The following ATP7B variants were observed in gnomAD, a reference collection of about 807,000 sequenced individuals.
ATP7B encodes copper-transporting ATPase 2.
A neutral mutation model predicts 118.9 loss-of-function variants in ATP7B; 113 were observed. That is an observed-to-expected ratio of 0.95 (90% CI 0.82 to 1.11). The LOEUF is 1.11. ATP7B is among the 50% of genes most tolerant of loss of function. ATP7B has a pLI of 0.00. For missense variants in ATP7B, 1,867 were observed against 1,871.4 expected (o/e 1.00, Z 0.04); for synonymous variants, 777 against 727.4 (o/e 1.07, Z -1.10).
intron 1 of ATP7B, among the ~76,000 whole-genome samples, chr13:52,002,345 T>A (rs577328620): frequency 2.4e-4 from 36 of 150,994 alleles, no homozygotes; most frequent in African/African-American, 8.5e-4. Context: ...GAGGATCACT[T>A]GAGCCCAGGA....
rs199623434 is a variant in ATP7B at position 51,946,382 on chromosome 13, C to G, written c.2962G>C (p.Gly988Arg). ...VLCIACPCSL[G>R]LATPTAVMVG... is the part of the protein sequence containing the mutation. ...ATGACAGCCGTGGGCGTGGCCAGCC[C>G]CAGGGAGCAGGGGCAGGCAATGCAC... The change falls in exon 13 of 21, where the codon GGG becomes CGG. Residue 988 changes from glycine (G) to arginine (R), a missense_variant. Transcript: ENST00000242839. 2.5e-6 allele frequency: 4 copies of G among 1,613,888 alleles called. No individual in the cohort carries two copies. The highest frequency in any genetic ancestry group is 3.4e-6 in the Non-Finnish European group (4 of 1,180,018).
intron 1 of ATP7B, among the ~76,000 whole-genome samples, chr13:52,006,552 C>T (rs1422770529): frequency 4.6e-5 from 7 of 152,168 alleles, no homozygotes; most frequent in South Asian, 2.1e-4. Flanking sequence ...TGGATGGGGA[C>T]GATCATTTCC....
chr13:51,975,553 C>G (rs747476206), intron 1 of ATP7B: 1 of 520,554 alleles, frequency 1.9e-6, no homozygotes, highest in African/African-American at 1.9e-5. Flanking sequence ...AAAGAGGTCC[C>G]CACCTCTGGC....
intron 9 of ATP7B, among the ~76,000 whole-genome samples, chr13:51,955,329 G>A (rs1183626314): frequency 6.6e-6 from 1 of 152,204 alleles, no homozygotes; most frequent in Non-Finnish European, 1.5e-5. Context: ...AGTGGGTGCA[G>A]CCTTGGCCTG....
intron 5 of ATP7B, among the ~76,000 whole-genome samples, chr13:51,964,528 C>G (rs2147362): frequency 0.94 from 143,275 of 152,286 alleles, 67,482 homozygotes; most frequent in East Asian, 1. Flanking sequence ...ACAGATACTT[C>G]GTTTGGGCAA....
intron 15 of ATP7B, among the ~76,000 whole-genome samples, chr13:51,941,962 A>C (rs1341767732): frequency 6.6e-6 from 1 of 152,184 alleles, no homozygotes; most frequent in Non-Finnish European, 1.5e-5. Flanking sequence ...CTGTCCCTCC[A>C]AGCAGTGTCC....
At chr13:51,937,249 G>C in intron 19 of ATP7B, 27 bp downstream of exon 19, 1 of 1,601,438 alleles carries the variant, frequency 6.2e-7, no homozygotes, top group Non-Finnish European at 8.6e-7. Flanking sequence ...GGGCGCAGCT[G>C]GAGCACAGTG....
At chr13:51,949,547 A>T (rs1235341940) in intron 12 of ATP7B, 115 bp downstream of exon 12, 1 of 1,475,130 alleles carries the variant, frequency 6.8e-7, no homozygotes, top group Non-Finnish European at 9.4e-7. Context: ...GAAGCAAGCA[A>T]ATAAAATGTA....
At position 51,941,055 on chromosome 13, in the gene ATP7B, G is replaced by C. The variant is rs375226851; in HGVS notation, c.3556+26C>G. The C allele has an allele frequency of 1.9e-6, 3 of 1,614,084 alleles. No individual in the cohort carries two copies. The Admixed American group carries it at 5.0e-5, about 27-fold the overall frequency. Reference sequence around the variant, plus strand: ...CAGAAAACTGTATTTCTGAGAGAGCGGAAGGAAGGCAGAAGCAGAAGATAC... The same window carrying C: ...CAGAAAACTGTATTTCTGAGAGAGCCGAAGGAAGGCAGAAGCAGAAGATAC... On this transcript the variant is annotated intron_variant, in intron 16 of 20. Transcript: ENST00000242839.
chr13:51,962,726 A>G (rs900572747), intron 5 of ATP7B, among the ~76,000 whole-genome samples: 6 of 152,184 alleles, frequency 3.9e-5, no homozygotes, highest in African/African-American at 9.7e-5. Context: ...ATAGTCCCCA[A>G]ATAAGGTCAG....
At chr13:51,938,130 C>T (rs1957081855) in intron 17 of ATP7B, among the ~76,000 whole-genome samples, 1 of 152,222 alleles carries the variant, frequency 6.6e-6, no homozygotes, top group Non-Finnish European at 1.5e-5. Flanking sequence ...TGGTGCCACA[C>T]TTGACCATAC....
At chr13:51,992,418 G>A (rs542425603) in intron 1 of ATP7B, among the ~76,000 whole-genome samples, 11 of 152,248 alleles carry the variant, frequency 7.2e-5, no homozygotes, top group African/African-American at 1.4e-4. Flanking sequence ...CAGCTTTCTC[G>A]TCTGTTAAAG....
chr13:52,003,860 T>C (rs1026676015), intron 1 of ATP7B, among the ~76,000 whole-genome samples: 14 of 152,180 alleles, frequency 9.2e-5, no homozygotes, highest in African/African-American at 3.4e-4. Context: ...GAGTTTTACA[T>C]AGTAAAATCT....
At position 51,957,370 on chromosome 13, in the gene ATP7B, G is replaced by A. The variant is rs189449333; in HGVS notation, c.2447+146C>T. On this transcript the variant is annotated intron_variant, in intron 9 of 20. Coordinates refer to ENST00000242839, the MANE Select transcript of ATP7B (RefSeq NM_000053.4). Reference sequence around the variant, plus strand: ...TTTTATAGTTCAATGCCTTGCTTTCGTAGCTGGATTGAGAGTGGTGATCTT... The same window carrying A: ...TTTTATAGTTCAATGCCTTGCTTTCATAGCTGGATTGAGAGTGGTGATCTT... The A allele has an allele frequency of 8.6e-4, 735 of 853,676 alleles. 9 individuals carry two copies. Among genetic ancestry groups the A allele is most frequent in the African/African-American group, 1.3e-4 (8 of 59,768 alleles). 52.9% of individuals were successfully genotyped at this position (853,676 alleles called of 1,614,324 possible).
At position 51,975,185 on chromosome 13, in the gene ATP7B, T is replaced by A. The variant is rs1171988848; in HGVS notation, c.52-17A>T. 1.2e-6 allele frequency: 2 copies of A among 1,613,550 alleles called. No homozygotes were observed. Among genetic ancestry groups the A allele is most frequent in the Non-Finnish European group, 1.7e-6 (2 of 1,179,526 alleles). Reference sequence around the variant, plus strand: ...AGATAAGATCTAAAAAGAAAAGAAATAACATTTTTTAACCTTGAAACCAAA... The same window carrying A: ...AGATAAGATCTAAAAAGAAAAGAAAAAACATTTTTTAACCTTGAAACCAAA... On this transcript the variant is annotated splice_polypyrimidine_tract_variant and intron_variant, in intron 1 of 20. Transcript: ENST00000242839.
intron 1 of ATP7B, among the ~76,000 whole-genome samples, chr13:51,989,623 A>C (rs1314334112): frequency 2.6e-5 from 4 of 152,206 alleles, no homozygotes; most frequent in Non-Finnish European, 5.9e-5. Context: ...ATACAACAAA[A>C]TGAAATTTAG....
At chr13:52,004,426 T>C (rs1340177004) in intron 1 of ATP7B, among the ~76,000 whole-genome samples, 1 of 152,188 alleles carries the variant, frequency 6.6e-6, no homozygotes, top group Non-Finnish European at 1.5e-5. Flanking sequence ...AGGAAGCAAT[T>C]AGGCTGAGAT....
At chr13:51,992,979 CAAAAAAAAAAAAA>C (rs58319382) in intron 1 of ATP7B, among the ~76,000 whole-genome samples, 2 of 62,946 alleles carry the variant, frequency 3.2e-5, no homozygotes, top group East Asian at 5.6e-4. Context: ...GACTCTGTCT[CAAAAAAAAAAAAA>C]AAAAAAAAAA....
At chr13:51,940,094 C>T (rs1161317871) in intron 16 of ATP7B, among the ~76,000 whole-genome samples, 1 of 148,008 alleles carries the variant, frequency 6.8e-6, no homozygotes, top group Non-Finnish European at 1.5e-5. Flanking sequence ...CTCACCACAA[C>T]CTCCAACTCC....
Sources: allele counts gnomAD v4.1 joint callset (sites outside exome capture counted in the v4.1 genomes callset), GRCh38; gene constraint gnomAD v4.1.1; transcripts MANE v1.5; gene names NCBI Gene and HGNC (gene_info 2026-07-23, HGNC 2026-07-21).